Variants in ZNF208 observed in about 807,000 individuals in gnomAD.
The protein encoded by ZNF208 is zinc finger protein 208.
ZNF208 carries 10 observed loss-of-function variants against 12.1 expected under a neutral mutation model. That is an observed-to-expected ratio of 0.83 (90% CI 0.51 to 1.40). The LOEUF (loss-of-function observed/expected upper bound fraction) is 1.40, where lower values mean the gene tolerates loss of function less well. Ranked by LOEUF, ZNF208 falls within the 40% of genes most tolerant of loss-of-function variation. The pLI, the probability that ZNF208 is intolerant of heterozygous loss-of-function variation, is 0.00. For missense variants in ZNF208, 1,652 were observed against 1,485.0 expected (o/e 1.11, Z -1.85); for synonymous variants, 497 against 488.4 (o/e 1.02, Z -0.23).
At chr19:21,944,898 A>G (rs1969793400) in intron 4 of ZNF208, among the ~76,000 whole-genome samples, 1 of 152,230 alleles carries the variant, frequency 6.6e-6, no homozygotes, top group Non-Finnish European at 1.5e-5. Context: ...CAGTGGCTGC[A>G]TATTGCCAAC....
At chr19:21,959,059 G>C (rs954130449) in intron 4 of ZNF208, among the ~76,000 whole-genome samples, 5 of 151,812 alleles carry the variant, frequency 3.3e-5, no homozygotes, top group African/African-American at 1.2e-4. Flanking sequence ...TCCACCCTGG[G>C]TGACAGAGAC....
chr19:21,985,154 G>T (rs1970612197), intron 3 of ZNF208, among the ~76,000 whole-genome samples: 1 of 152,078 alleles, frequency 6.6e-6, no homozygotes, highest in Non-Finnish European at 1.5e-5. Flanking sequence ...GCCACAAAAA[G>T]ACAAAGATTG....
intron 3 of ZNF208, among the ~76,000 whole-genome samples, chr19:21,975,296 A>T (rs1970408836): frequency 6.6e-6 from 1 of 152,214 alleles, no homozygotes. Flanking sequence ...ATGGTGGTAT[A>T]CTTAGAAATG....
chr19:21,983,104 A>AATCTATCC (rs924984908), intron 3 of ZNF208, among the ~76,000 whole-genome samples: 1 of 152,200 alleles, frequency 6.6e-6, no homozygotes, highest in Non-Finnish European at 1.5e-5. Context: ...AAAATTTTGC[A>AATCTATCC]ATCTATCCAT....
chr19:21,967,312 CTT>C lies in ZNF208; in HGVS notation c.*3877_*3878del, dbSNP rs1430879491. ...CTTACTAAATAGGGAGTTAATTCCC[CTT>C]TTGTTTATTTCTGTTGGCTTTGTAA... is the stretch of plus-strand genomic sequence containing the variant. On this transcript the variant is annotated 3_prime_UTR_variant, in exon 4 of 4. Transcript: ENST00000397126. 6.6e-6 allele frequency: 1 copy of C among 152,036 alleles called. No homozygotes were observed. Among genetic ancestry groups the C allele is most frequent in the Non-Finnish European group, 1.5e-5 (1 of 67,998 alleles). The allele number at this position is 152,036 out of a possible 1,614,324, so 9.4% of individuals were successfully genotyped here. A position where few individuals can be genotyped will look rare whatever the true frequency, so the allele number is the denominator to read the frequency against.
intron 4 of ZNF208, among the ~76,000 whole-genome samples, chr19:21,959,429 A>C (rs992681943): frequency 6.6e-5 from 10 of 152,206 alleles, no homozygotes; most frequent in African/African-American, 2.4e-4. Flanking sequence ...GCCATGATTC[A>C]CATTTTATTC....
intron 4 of ZNF208, among the ~76,000 whole-genome samples, chr19:21,950,857 C>CA (rs1321831342): frequency 1.3e-5 from 2 of 152,058 alleles, no homozygotes; most frequent in African/African-American, 2.4e-5. Flanking sequence ...AACTGGCAAA[C>CA]AAAAAATCTT....
chr19:21,965,167 G>T (rs1022918849), downstream of ZNF208, among the ~76,000 whole-genome samples: 1 of 151,900 alleles, frequency 6.6e-6, no homozygotes, highest in African/African-American at 2.4e-5. Context: ...GAAATTTTAG[G>T]TGTCTGTATG....
downstream of ZNF208, among the ~76,000 whole-genome samples, chr19:21,961,977 A>G (rs987643477): frequency 6.6e-6 from 1 of 152,198 alleles, no homozygotes; most frequent in Non-Finnish European, 1.5e-5. Flanking sequence ...GCTTAGGAAG[A>G]TAACAGGATT....
At chr19:21,965,047 G>A (rs1970139830), downstream of ZNF208, among the ~76,000 whole-genome samples, 2 of 151,846 alleles carry the variant, frequency 1.3e-5, no homozygotes, top group Non-Finnish European at 2.9e-5. Flanking sequence ...TTAAGATTAT[G>A]GATACTCTAT....
intron 4 of ZNF208, among the ~76,000 whole-genome samples, chr19:21,955,837 C>T (rs190805165): frequency 3.9e-5 from 6 of 152,348 alleles, no homozygotes; most frequent in East Asian, 3.9e-4. Context: ...TCTCTCAACT[C>T]GTCAAAGTCA....
At chr19:21,962,231 G>A (rs1377505979), downstream of ZNF208, among the ~76,000 whole-genome samples, 2 of 152,042 alleles carry the variant, frequency 1.3e-5, no homozygotes, top group East Asian at 1.9e-4. Context: ...ACAACAAATT[G>A]TCTCATTATT....
chr19:21,973,557 CAG>C lies in ZNF208; in HGVS notation c.1475_1476del (p.Ala492GlyfsTer8). 3 of 1,612,744 alleles carry C rather than the reference CAG, an allele frequency of 1.9e-6. No individual in the cohort carries two copies. The highest frequency in any genetic ancestry group is 2.5e-6 in the Non-Finnish European group (3 of 1,179,716). On this transcript the variant is annotated frameshift_variant, in exon 4 of 4. Transcript: ENST00000397126. LOFTEE classifies it low-confidence loss of function (END_TRUNC). ...KCEECDKATH[A>X]GEKPYKCEEC... ...TCTTCACATTTGTAGGGTTTCTCTC[CAG>C]CATGAGTTGCCTTATCACATTCTTC...
intron 3 of ZNF208, chr19:21,986,864 A>G (rs540581717): frequency 1.3e-4 from 53 of 395,846 alleles, no homozygotes; most frequent in African/African-American, 9.7e-4. Context: ...GAAAGAGAGA[A>G]CTTATAAGAT....
downstream of ZNF208, among the ~76,000 whole-genome samples, chr19:21,961,353 G>A (rs1404356023): frequency 1.3e-5 from 2 of 152,020 alleles, no homozygotes; most frequent in Non-Finnish European, 2.9e-5. Context: ...TGCTTCAAAG[G>A]GCAAAAAGAG....
At position 21,974,304 on chromosome 19, in the gene ZNF208, G is replaced by A. The variant is rs775264195; in HGVS notation, c.730C>T (p.Leu244Phe). ...CGKAFSKFSI[L>F]TKHKVIHTGE... ...GTATGAATTACCTTATGTTTAGTAA[G>A]GATTGAGAACTTACTAAAGGCTTTG... The change falls in exon 4 of 4, where the codon CTT becomes TTT. Residue 244 changes from leucine (L) to phenylalanine (F), a missense_variant. By Grantham distance (22) the Leu-to-Phe change is conservative. Around this residue, in one of 3 missense-constraint regions of ZNF208, gnomAD observed 410 missense variants for 378.2 expected, o/e 1.08. Transcript: ENST00000397126. 3.8e-5 allele frequency: 62 copies of A among 1,613,446 alleles called. No individual in the cohort carries two copies. The African/African-American group carries it at 4.1e-4, about 11-fold the overall frequency.
intron 2 of ZNF208, 42 bp from the exon 3 acceptor site, chr19:21,987,353 C>T (rs1254282082): frequency 3.2e-6 from 5 of 1,565,020 alleles, no homozygotes; most frequent in Non-Finnish European, 4.3e-6. Flanking sequence ...TGCTCATATT[C>T]TCCAATTACC....
At chr19:21,989,033 A>G (rs1056387870) in intron 1 of ZNF208, 124 bp from the exon 2 acceptor site, 79 of 1,277,382 alleles carry the variant, frequency 6.2e-5, no homozygotes, top group Non-Finnish European at 7.5e-6. Flanking sequence ...GAAATTATTC[A>G]ATAAAATAAT....
chr19:21,959,512 T>C (rs946129509), intron 4 of ZNF208, among the ~76,000 whole-genome samples: 2 of 152,224 alleles, frequency 1.3e-5, no homozygotes, highest in African/African-American at 4.8e-5. Flanking sequence ...AATACCTTTG[T>C]GAATGTGAAT....
Sources: allele counts gnomAD v4.1 joint callset (sites outside exome capture counted in the v4.1 genomes callset), GRCh38; gene constraint gnomAD v4.1.1; regional missense constraint gnomAD v4.1.1; transcripts MANE v1.5; gene names NCBI Gene and HGNC (gene_info 2026-07-23, HGNC 2026-07-21).